The following PDE10A variants were observed in gnomAD, a reference collection of about 807,000 sequenced individuals.
PDE10A encodes cAMP and cAMP-inhibited cGMP 3',5'-cyclic phosphodiesterase 10A.
Under a neutral mutation model 97.7 loss-of-function variants are expected in PDE10A, and 39 were observed. That is an observed-to-expected ratio of 0.40 (90% CI 0.31 to 0.52). PDE10A has a LOEUF of 0.52. Ranked by LOEUF, PDE10A falls within the 20% of genes least tolerant of loss-of-function variation. The pLI is 0.56. For missense variants in PDE10A, 731 were observed against 1,047.8 expected, an observed-to-expected ratio of 0.70 and a Z score of 4.17; for synonymous variants, 371 against 376.8, an observed-to-expected ratio of 0.98 and a Z score of 0.18.
chr6:165,850,809 GT>G (rs914839394), intron 1 of PDE10A, among the ~76,000 whole-genome samples: 1 of 152,112 alleles, frequency 6.6e-6, no homozygotes, highest in Non-Finnish European at 1.5e-5. Flanking sequence ...TAATTAAAAT[GT>G]TTTTTAAAGA....
intron 1 of PDE10A, among the ~76,000 whole-genome samples, chr6:165,700,500 A>G (rs1791542381): frequency 6.6e-6 from 1 of 152,210 alleles, no homozygotes. Flanking sequence ...TTTTTCAAAA[A>G]TGATCTTGTC....
intron 6 of PDE10A, 86 bp from the exon 7 acceptor site, chr6:165,433,215 T>A: frequency 1.0e-6 from 1 of 993,850 alleles, no homozygotes; most frequent in Non-Finnish European, 1.5e-6. Flanking sequence ...ATTGCCATGA[T>A]ACTTGTAATC....
At chr6:165,980,996 G>A (rs192265462) in intron 1 of PDE10A, among the ~76,000 whole-genome samples, 1 of 152,286 alleles carries the variant, frequency 6.6e-6, no homozygotes, top group Admixed American at 6.5e-5. Flanking sequence ...AGCCATAGAA[G>A]TGACAGGAGG....
Position 165,388,544 on chromosome 6 carries a change from G to C in PDE10A, c.2455-91C>G, listed in dbSNP as rs1483875330. 3 of 1,164,116 alleles carry C rather than the reference G, an allele frequency of 2.6e-6. No individual in the cohort carries two copies. In the East Asian group the frequency reaches 7.0e-5, roughly 27 times the overall value. 72.1% of individuals were successfully genotyped at this position (1,164,116 alleles called of 1,614,324 possible). On this transcript the variant is annotated intron_variant, in intron 16 of 21. Coordinates refer to ENST00000539869, the MANE Select transcript of PDE10A (RefSeq NM_001385079.1). The surrounding 1 kb of genome is among the most constrained non-coding windows in gnomAD (Gnocchi z 4.0). ...TTACATTCATGTCACATTACTTTCT[G>C]GCATTAATATAGCACAAATACAGCA...
At chr6:165,901,708 A>T (rs6915447) in intron 1 of PDE10A, among the ~76,000 whole-genome samples, 1 of 152,150 alleles carries the variant, frequency 6.6e-6, no homozygotes, top group Non-Finnish European at 1.5e-5. Flanking sequence ...AGGCTGAGGC[A>T]GGAGAATCAC....
intron 1 of PDE10A, among the ~76,000 whole-genome samples, chr6:165,641,897 C>T (rs867202312): frequency 4.6e-5 from 7 of 152,348 alleles, no homozygotes; most frequent in Middle Eastern, 3.4e-3. Context: ...TCCAGCCACC[C>T]TGTACCTCCC....
chr6:165,950,999 A>G (rs946621289), intron 1 of PDE10A, among the ~76,000 whole-genome samples: 4 of 152,220 alleles, frequency 2.6e-5, no homozygotes, highest in African/African-American at 9.6e-5. Context: ...AATGATAAAA[A>G]TGTGGGTTAT....
intron 1 of PDE10A, among the ~76,000 whole-genome samples, chr6:165,771,857 A>C (rs1005022524): frequency 6.6e-6 from 1 of 152,134 alleles, no homozygotes; most frequent in Non-Finnish European, 1.5e-5. Flanking sequence ...CGGATGAGCC[A>C]CCCTGGCCTA....
intron 1 of PDE10A, among the ~76,000 whole-genome samples, chr6:165,642,896 G>A (rs1170120227): frequency 6.6e-6 from 1 of 150,696 alleles, no homozygotes; most frequent in Middle Eastern, 3.4e-3. Context: ...TGTGAATGAT[G>A]TATGTTCTCA....
intron 13 of PDE10A, among the ~76,000 whole-genome samples, chr6:165,412,421 C>T (rs369798128): frequency 6.6e-6 from 1 of 151,998 alleles, no homozygotes; most frequent in Non-Finnish European, 1.5e-5. Context: ...ACAATCTTTG[C>T]GACTTTTAAA....
intron 18 of PDE10A, among the ~76,000 whole-genome samples, chr6:165,356,945 A>T (rs1045600034): frequency 2.0e-5 from 3 of 152,138 alleles, no homozygotes; most frequent in Non-Finnish European, 4.4e-5. Flanking sequence ...AGGACCTCCA[A>T]TTCAGAGTAC....
chr6:165,980,660 A>G (rs909712009), intron 1 of PDE10A, among the ~76,000 whole-genome samples: 1 of 152,226 alleles, frequency 6.6e-6, no homozygotes, highest in African/African-American at 2.4e-5. Flanking sequence ...GGTTGGCTTC[A>G]TAAGAACCAG....
intron 1 of PDE10A, among the ~76,000 whole-genome samples, chr6:165,597,110 A>G (rs1786644231): frequency 6.6e-6 from 1 of 151,920 alleles, no homozygotes; most frequent in African/African-American, 2.4e-5. Flanking sequence ...TTCCTGATTT[A>G]TTTCTGTCTT....
At chr6:165,857,314 C>T (rs1780764182) in intron 1 of PDE10A, among the ~76,000 whole-genome samples, 1 of 152,232 alleles carries the variant, frequency 6.6e-6, no homozygotes. Context: ...TTTCTTATAG[C>T]AAACCATGGC....
intron 18 of PDE10A, among the ~76,000 whole-genome samples, chr6:165,363,408 G>A (rs1056121904): frequency 7.2e-5 from 11 of 151,970 alleles, no homozygotes; most frequent in African/African-American, 1.2e-4. Flanking sequence ...CCAGCTACTC[G>A]GGAGGCTGAG....
Position 165,765,271 on chromosome 6 carries a change from C to T in PDE10A, c.-614-221703G>A, listed in dbSNP as rs1006132806. The stretch of plus-strand genomic sequence containing the variant: ...TGCAGGTGGAGCTGCCCGCCAGTCC[C>T]ACGCCATGCGCTCTCACTCCTCAGC... On this transcript the variant is annotated intron_variant, in intron 1 of 19. Coordinates refer to the PDE10A transcript ENST00000366882. Among the ~76,000 whole-genome samples the T allele has an allele frequency of 5.3e-5, 8 of 152,278 alleles. No homozygotes were observed. The East Asian group carries it at 1.5e-3, about 29-fold the overall frequency.
At chr6:165,970,711 T>A (rs74711421) in intron 1 of PDE10A, among the ~76,000 whole-genome samples, 2,641 of 152,332 alleles carry the variant, frequency 0.017, 79 homozygotes, top group African/African-American at 0.059. Flanking sequence ...TCTTGTTATA[T>A]ATCTTTTTGT....
intron 2 of PDE10A, among the ~76,000 whole-genome samples, chr6:165,535,583 T>C (rs1182693194): frequency 1.3e-5 from 2 of 151,552 alleles, no homozygotes; most frequent in East Asian, 3.9e-4. Context: ...AGTAGTATTC[T>C]ATGGGGTGTG....
intron 1 of PDE10A, among the ~76,000 whole-genome samples, chr6:165,644,285 T>C (rs1295784360): frequency 6.6e-6 from 1 of 152,130 alleles, no homozygotes; most frequent in Admixed American, 6.5e-5. Context: ...ATGGTCTCGA[T>C]CTCCTGACCT....
Sources: gnomAD v4.1 joint callset for allele counts (sites outside exome capture counted in the v4.1 genomes callset) on GRCh38, gnomAD v4.1.1 for gene constraint, Gnocchi (gnomAD v3.1) non-coding constraint, MANE v1.5 for transcripts, NCBI Gene and HGNC (gene_info 2026-07-23, HGNC 2026-07-21) for gene names.